KCNH5: variants seen among roughly 807,000 people sequenced by gnomAD.
KCNH5 encodes voltage-gated delayed rectifier potassium channel KCNH5.
KCNH5 carries 46 observed loss-of-function variants against 96.1 expected under a neutral mutation model. The observed-to-expected ratio is 0.48, with a 90% CI of 0.38 to 0.61. The LOEUF (loss-of-function observed/expected upper bound fraction) is 0.61. KCNH5 is among the 20% of genes least tolerant of loss of function. The probability of loss-of-function intolerance (pLI) is 0.00; values close to 1 mark genes in which losing one functional copy is unlikely to be tolerated. For missense variants in KCNH5, 907 were observed against 1,225.8 expected (o/e 0.74, Z 3.88); for synonymous variants, 439 against 449.8 (o/e 0.98, Z 0.30).
At chr14:63,029,214 G>A (rs1228751710) in intron 1 of KCNH5, among the ~76,000 whole-genome samples, 2 of 152,116 alleles carry the variant, frequency 1.3e-5, no homozygotes, top group African/African-American at 2.4e-5. Context: ...TTATCAAGTG[G>A]TAAACATTTC....
intron 7 of KCNH5, among the ~76,000 whole-genome samples, chr14:62,917,758 A>T (rs940533580): frequency 6.6e-6 from 1 of 152,100 alleles, no homozygotes; most frequent in Non-Finnish European, 1.5e-5. Context: ...TTAAAACCCA[A>T]AGCATACCCC....
In KCNH5 at chr14:63,027,872, A is replaced by G. The variant is rs530462320; in HGVS notation, c.74-10918T>C. The stretch of plus-strand genomic sequence containing the variant: ...AAGCTCATAGTAAGAAATAATATTT[A>G]CATAGTGACTCAAGTGTATATACAT... On this transcript the variant is annotated intron_variant, in intron 1 of 10. Coordinates refer to ENST00000322893, the MANE Select transcript of KCNH5 (RefSeq NM_139318.5). Among the ~76,000 whole-genome samples the G allele has an allele frequency of 3.3e-5, 5 of 152,248 alleles. No homozygotes were observed. In the South Asian group the frequency reaches 1.0e-3, roughly 32 times the overall value.
At chr14:62,870,710 T>C (rs1186821039) in intron 7 of KCNH5, among the ~76,000 whole-genome samples, 1 of 152,078 alleles carries the variant, frequency 6.6e-6, no homozygotes, top group African/African-American at 2.4e-5. Context: ...TTTTGGAAAA[T>C]ATTATGCTCA....
chr14:62,945,653 G>A (rs926945954), intron 7 of KCNH5, among the ~76,000 whole-genome samples: 1 of 152,094 alleles, frequency 6.6e-6, no homozygotes, highest in South Asian at 2.1e-4. Context: ...AAAGAGTAGA[G>A]ACTACAGGTT....
At chr14:62,832,476 G>A (rs531228005) in intron 8 of KCNH5, among the ~76,000 whole-genome samples, 14 of 152,152 alleles carry the variant, frequency 9.2e-5, no homozygotes, top group South Asian at 4.1e-4. Context: ...ATCGTTGTTC[G>A]TATTTAGCAG....
chr14:62,712,196 A>T (rs1446959771), intron 10 of KCNH5: 1 of 38,716 alleles, frequency 2.6e-5, no homozygotes, highest in East Asian at 1.3e-3. Flanking sequence ...GGTTTTTAAG[A>T]GGTAGTTTTT....
At chr14:62,927,332 TCCTCAAAATA>T (rs1363722812) in intron 7 of KCNH5, among the ~76,000 whole-genome samples, 1 of 152,144 alleles carries the variant, frequency 6.6e-6, no homozygotes, top group Non-Finnish European at 1.5e-5. Flanking sequence ...CTGTGGTGGT[TCCTCAAAATA>T]TTACAAATAA....
chr14:62,858,104 C>G (rs771782946), intron 7 of KCNH5, among the ~76,000 whole-genome samples: 33 of 151,798 alleles, frequency 2.2e-4, no homozygotes, highest in Non-Finnish European at 3.4e-4. Flanking sequence ...TTTCTTAGTA[C>G]AAGTATATAC....
intron 10 of KCNH5, among the ~76,000 whole-genome samples, chr14:62,765,143 C>T (rs1885833031): frequency 6.6e-6 from 1 of 152,258 alleles, no homozygotes; most frequent in Admixed American, 6.5e-5. Context: ...CTACAGTAAT[C>T]AAAGCAGCAT....
At chr14:62,895,104 C>G (rs1385136013) in intron 7 of KCNH5, among the ~76,000 whole-genome samples, 1 of 152,174 alleles carries the variant, frequency 6.6e-6, no homozygotes, top group African/African-American at 2.4e-5. Context: ...GCTCAATTAA[C>G]TCTTAGTAAG....
At chr14:62,841,821 A>C (rs1453301526) in intron 8 of KCNH5, among the ~76,000 whole-genome samples, 1 of 152,244 alleles carries the variant, frequency 6.6e-6, no homozygotes, top group Non-Finnish European at 1.5e-5. Context: ...ACTCCAATAC[A>C]GATGTGAACA....
chr14:62,876,566 T>C (rs1888376940), intron 7 of KCNH5, among the ~76,000 whole-genome samples: 2 of 152,046 alleles, frequency 1.3e-5, no homozygotes, highest in African/African-American at 2.4e-5. Flanking sequence ...CAACAAATAG[T>C]TGAAAAGTTA....
rs528442991 is a variant in KCNH5, at chr14:62,913,599, T to G, written c.1369+36534A>C. ...GGTAATGTAGCAATGGTTTGTTTAATTAGTAGGGACCCCTTCTAAATTCAA... is the reference window on the plus strand; with the variant it reads ...GGTAATGTAGCAATGGTTTGTTTAAGTAGTAGGGACCCCTTCTAAATTCAA... On this transcript the variant is annotated intron_variant, in intron 7 of 10. Coordinates refer to ENST00000322893, the MANE Select transcript of KCNH5 (RefSeq NM_139318.5). Among the ~76,000 whole-genome samples, 12 of 152,294 alleles carry G rather than the reference T, an allele frequency of 7.9e-5. No individual in the cohort carries two copies. The South Asian group carries it at 2.5e-3, about 32-fold the overall frequency.
intron 7 of KCNH5, among the ~76,000 whole-genome samples, chr14:62,937,508 G>T (rs1889708109): frequency 6.6e-6 from 1 of 152,196 alleles, no homozygotes; most frequent in Non-Finnish European, 1.5e-5. Flanking sequence ...TTCCTAAGGG[G>T]AGAGTCAGGA....
At chr14:63,017,940 G>A (rs1219883540) in intron 1 of KCNH5, among the ~76,000 whole-genome samples, 5 of 118,930 alleles carry the variant, frequency 4.2e-5, no homozygotes, top group Non-Finnish European at 7.2e-5. Context: ...AGTAGTTGCT[G>A]TATAAAAAAC....
At chr14:62,827,587 A>C (rs560723295) in intron 8 of KCNH5, among the ~76,000 whole-genome samples, 14 of 152,306 alleles carry the variant, frequency 9.2e-5, no homozygotes, top group African/African-American at 2.6e-4. Context: ...AGGATCTAAA[A>C]AATGTTGCTC....
rs143856809 is a variant in KCNH5 at position 62,979,649 on chromosome 14, T to C, written c.942+1223A>G. ...TAGGATAATTAAGTTAGTAATATTA[T>C]CATAATGAACATATTTTAATAATAG... On this transcript the variant is annotated intron_variant, in intron 6 of 10. Transcript: ENST00000322893. Among the ~76,000 whole-genome samples the C allele has an allele frequency of 5.1e-3, 769 of 152,272 alleles. 10 individuals are homozygous for C. The highest frequency in any genetic ancestry group is 0.018 in the African/African-American group (733 of 41,560).
chr14:62,739,040 G>T (rs193087484), intron 10 of KCNH5, among the ~76,000 whole-genome samples: 1 of 152,040 alleles, frequency 6.6e-6, no homozygotes, highest in Non-Finnish European at 1.5e-5. Context: ...AGAAGTAAAG[G>T]GTTCAAGAAG....
chr14:62,947,419 A>T (rs1423998239), intron 7 of KCNH5, among the ~76,000 whole-genome samples: 1 of 152,106 alleles, frequency 6.6e-6, no homozygotes, highest in Non-Finnish European at 1.5e-5. Flanking sequence ...CTCTGGAGCA[A>T]ACAGCACTTG....
Sources: gnomAD v4.1 joint callset for allele counts (sites outside exome capture counted in the v4.1 genomes callset) on GRCh38, gnomAD v4.1.1 for gene constraint, MANE v1.5 for transcripts, NCBI Gene and HGNC (gene_info 2026-07-23, HGNC 2026-07-21) for gene names.